The following ARID2 variants were observed in gnomAD, a reference collection of about 807,000 sequenced individuals.
ARID2 encodes the protein AT-rich interactive domain-containing protein 2.
In ARID2, 32 loss-of-function variants were observed where a neutral mutation model predicts 184.6. The ratio of observed to expected loss-of-function variants is 0.17; its 90% CI spans 0.13 to 0.23. The LOEUF (loss-of-function observed/expected upper bound fraction) is 0.23. Ranked by LOEUF, ARID2 falls within the 10% of genes least tolerant of loss-of-function variation. ARID2 has a pLI of 1.00. For synonymous variants in ARID2, 836 were observed against 772.6 expected, an observed-to-expected ratio of 1.08 and a Z score of -1.36; for missense variants, 1,696 against 2,197.6, an observed-to-expected ratio of 0.77 and a Z score of 4.56.
chr12:45,836,744 G>A lies in ARID2; in HGVS notation c.776G>A (p.Gly259Asp), dbSNP rs1313067794. ...LISDRNKSHEGTSGEWIWESL... is the reference protein window; with the variant it reads ...LISDRNKSHEDTSGEWIWESL... ...AAATATGTATTTTCTATTGTAGAAG[G>A]TACATCAGGAGAATGGATTTGGGAG... Residue 259 changes from glycine to aspartate, a missense_variant, in exon 8 of 21, where the codon GGT becomes GAT. This residue lies in a region of ARID2 where 148 missense variants were observed against 285.4 expected (regional missense o/e 0.52). Coordinates refer to ENST00000334344, the MANE Select transcript of ARID2 (RefSeq NM_152641.4). 9 of 1,611,990 alleles carry A rather than the reference G, an allele frequency of 5.6e-6. No individual in the cohort carries two copies. The highest frequency in any genetic ancestry group is 7.6e-6 in the Non-Finnish European group (9 of 1,178,900).
intron 3 of ARID2, among the ~76,000 whole-genome samples, chr12:45,733,758 GT>G (rs1941050906): frequency 6.6e-6 from 1 of 152,114 alleles, no homozygotes; most frequent in African/African-American, 2.4e-5. Context: ...TTTTAATAGT[GT>G]TTTGTTATTT....
intron 3 of ARID2, among the ~76,000 whole-genome samples, chr12:45,748,212 A>G (rs919870171): frequency 6.6e-6 from 1 of 151,912 alleles, no homozygotes; most frequent in East Asian, 1.9e-4. Flanking sequence ...ACGTAGTGAG[A>G]CCCTGTCTCT....
chr12:45,861,046 CT>C (rs1218921940), intron 16 of ARID2, 97 bp downstream of exon 16: 26 of 1,183,282 alleles, frequency 2.2e-5, no homozygotes, highest in Non-Finnish European at 2.1e-5. Flanking sequence ...GAAAATTTTC[CT>C]TTAGAACCAC....
intron 11 of ARID2, chr12:45,841,069 T>G (rs1435261435): frequency 6.6e-6 from 1 of 152,166 alleles, no homozygotes; most frequent in Non-Finnish European, 1.5e-5. Context: ...ACTGTTCATA[T>G]TGCTAGTTAA....
chr12:45,892,309 T>G (rs1173241674), intron 18 of ARID2, among the ~76,000 whole-genome samples: 1 of 152,210 alleles, frequency 6.6e-6, no homozygotes, highest in Non-Finnish European at 1.5e-5. Context: ...GTAAGTTACC[T>G]TTCAGCTCTA....
At chr12:45,901,272 G>A (rs907518775) in intron 20 of ARID2, among the ~76,000 whole-genome samples, 11 of 135,426 alleles carry the variant, frequency 8.1e-5, no homozygotes, top group Middle Eastern at 4.1e-3. Context: ...CCAGGTTCAC[G>A]CCATTCTCCT....
Position 45,851,818 on chromosome 12 carries a change from C to T in ARID2, c.3695C>T (p.Thr1232Ile), listed in dbSNP as rs549206976. ...ASPAGQSSCT[T>I]ATPPFKGDKI... is the part of the protein sequence containing the mutation. The stretch of plus-strand genomic sequence containing the variant: ...CCTGCTGGACAATCATCATGTACTA[C>T]TGCTACTCCCCCATTCAAAGGTGAT... The change falls in exon 15 of 21, where the codon ACT becomes ATT. Residue 1232 changes from threonine (T) to isoleucine (I), a missense_variant. Around this residue, in one of 11 missense-constraint regions of ARID2, gnomAD observed 428 missense variants for 409.1 expected, o/e 1.05. Transcript: ENST00000334344. The T allele has an allele frequency of 6.2e-6, 10 of 1,614,164 alleles. No homozygotes were observed. The highest frequency in any genetic ancestry group is 1.7e-5 in the Admixed American group (1 of 60,030).
intron 3 of ARID2, among the ~76,000 whole-genome samples, chr12:45,784,838 TAG>T (rs1355599775): frequency 1.3e-5 from 2 of 152,248 alleles, no homozygotes; most frequent in African/African-American, 4.8e-5. Flanking sequence ...TGCCTTTCTA[TAG>T]AGAGTCAGTT....
intron 3 of ARID2, among the ~76,000 whole-genome samples, chr12:45,735,521 C>T (rs1214383234): frequency 6.6e-6 from 1 of 151,454 alleles, no homozygotes; most frequent in South Asian, 2.1e-4. Context: ...AAGGTATCCT[C>T]CCGCCTCAGC....
At chr12:45,797,725 A>AT (rs879883386) in intron 3 of ARID2, among the ~76,000 whole-genome samples, 7 of 151,662 alleles carry the variant, frequency 4.6e-5, no homozygotes, top group African/African-American at 9.7e-5. Context: ...AAAAAAATTA[A>AT]TTTTTTTTGT....
chr12:45,836,523 G>A, intron 6 of ARID2, 66 bp from the exon 7 acceptor site: 1 of 1,443,346 alleles, frequency 6.9e-7, no homozygotes, highest in Admixed American at 2.1e-5. Flanking sequence ...GCCTGTGTGT[G>A]ACTATTTCTA....
At chr12:45,782,444 C>A (rs1942111202) in intron 3 of ARID2, among the ~76,000 whole-genome samples, 1 of 152,012 alleles carries the variant, frequency 6.6e-6, no homozygotes, top group African/African-American at 2.4e-5. Context: ...CCAGACTGGT[C>A]AACATGGTGA....
rs2138176487 is a variant in ARID2, at chr12:45,852,155, A to T, written c.4032A>T (p.Ile1344=). Residue 1344 remains isoleucine, a synonymous_variant, in exon 15 of 21, where the codon ATA becomes ATT. Coordinates refer to ENST00000334344, the MANE Select transcript of ARID2 (RefSeq NM_152641.4). ...GASGKQNSEQ[I]DMQDIKSDLR... is the part of the protein sequence containing the mutation. ...CTGGGAAACAGAACTCAGAACAAATAGACATGCAAGATATCAAAAGTGATT... is the reference window on the plus strand; with the variant it reads ...CTGGGAAACAGAACTCAGAACAAATTGACATGCAAGATATCAAAAGTGATT... The T allele has an allele frequency of 1.2e-6, 2 of 1,614,172 alleles. No individual in the cohort carries two copies. The highest frequency in any genetic ancestry group is 1.7e-6 in the Non-Finnish European group (2 of 1,180,012).
At chr12:45,855,972 C>G (rs1475772450) in intron 15 of ARID2, among the ~76,000 whole-genome samples, 2 of 152,062 alleles carry the variant, frequency 1.3e-5, no homozygotes, top group African/African-American at 2.4e-5. Flanking sequence ...CTTGAGTGAT[C>G]CCCGCGCCTT....
intron 3 of ARID2, among the ~76,000 whole-genome samples, chr12:45,751,708 C>T (rs1428395909): frequency 6.6e-6 from 1 of 152,160 alleles, no homozygotes; most frequent in African/African-American, 2.4e-5. Flanking sequence ...TATGGTATGG[C>T]CTGTTGCTTT....
intron 3 of ARID2, among the ~76,000 whole-genome samples, chr12:45,763,877 TTA>T (rs1941724145): frequency 6.6e-6 from 1 of 152,170 alleles, no homozygotes; most frequent in Admixed American, 6.5e-5. Flanking sequence ...GGTTTCAGTG[TTA>T]TGTTTGGGAT....
chr12:45,902,404 T>C (rs1944471247), intron 20 of ARID2, among the ~76,000 whole-genome samples: 1 of 152,228 alleles, frequency 6.6e-6, no homozygotes, highest in South Asian at 2.1e-4. Flanking sequence ...TTTTAACATG[T>C]GACTATCACT....
chr12:45,891,675 G>C (rs1944303650), intron 16 of ARID2, 105 bp from the exon 17 acceptor site: 2 of 1,279,722 alleles, frequency 1.6e-6, no homozygotes, highest in Non-Finnish European at 2.1e-6. Flanking sequence ...AAAGTGTTCA[G>C]TACAACTGAT....
chr12:45,729,948 G>A lies in ARID2; in HGVS notation c.92+20G>A. On this transcript the variant is annotated intron_variant, in intron 1 of 20. Coordinates refer to ENST00000334344, the MANE Select transcript of ARID2 (RefSeq NM_152641.4). ...CAGAGGGTGAGAGCAGAACCGGGGG[G>A]GCAGCGCCGGGGCGAGCCGGGGCGA... The A allele has an allele frequency of 2.5e-6, 4 of 1,604,340 alleles. No individual in the cohort carries two copies. Among genetic ancestry groups the A allele is most frequent in the South Asian group, 1.1e-5 (1 of 90,324 alleles).
Sources: gnomAD v4.1 joint callset for allele counts (sites outside exome capture counted in the v4.1 genomes callset) on GRCh38, gnomAD v4.1.1 for gene constraint, gnomAD v4.1.1 regional missense constraint, MANE v1.5 for transcripts, NCBI Gene and HGNC (gene_info 2026-07-23, HGNC 2026-07-21) for gene names.